MYO5B: variants seen among roughly 807,000 people sequenced by gnomAD.
The protein encoded by MYO5B is unconventional myosin-Vb.
In MYO5B, 143 loss-of-function variants were observed where a neutral mutation model predicts 229.3. The observed-to-expected ratio is 0.62, with a 90% CI of 0.54 to 0.72. The LOEUF (loss-of-function observed/expected upper bound fraction) is 0.72, where lower values mean the gene tolerates loss of function less well. Among genes scored for constraint, MYO5B ranks in the 30% least tolerant of loss-of-function variants. The probability of loss-of-function intolerance (pLI) is 0.00; values close to 1 mark genes in which losing one functional copy is unlikely to be tolerated. For synonymous variants in MYO5B, 918 were observed against 885.2 expected (o/e 1.04, Z -0.66); for missense variants, 2,321 against 2,331.0 (o/e 1.00, Z 0.09).
intron 32 of MYO5B, 39 bp from the exon 33 acceptor site, chr18:49,847,328 C>A (rs958565764): frequency 1.2e-6 from 2 of 1,605,328 alleles, no homozygotes; most frequent in South Asian, 2.2e-5. Flanking sequence ...GATGAGACTT[C>A]CAGCTGCAGG....
intron 1 of MYO5B, among the ~76,000 whole-genome samples, chr18:50,115,349 C>T (rs927107393): frequency 1.3e-5 from 2 of 152,210 alleles, no homozygotes; most frequent in African/African-American, 2.4e-5. Flanking sequence ...CTATGGAATT[C>T]AATCTTACGG....
intron 14 of MYO5B, among the ~76,000 whole-genome samples, chr18:49,952,649 C>T (rs190796297): frequency 8.5e-5 from 13 of 152,222 alleles, no homozygotes; most frequent in African/African-American, 2.9e-4. Context: ...TGCCTTCTTT[C>T]CTCTACCTGT....
chr18:49,901,964 A>G (rs1029998905), intron 21 of MYO5B, among the ~76,000 whole-genome samples: 1 of 152,224 alleles, frequency 6.6e-6, no homozygotes, highest in African/African-American at 2.4e-5. Flanking sequence ...CAAGCCCTCC[A>G]TGCACACCAG....
At chr18:49,989,550 A>G (rs2144308302) in intron 7 of MYO5B, among the ~76,000 whole-genome samples, 1 of 152,156 alleles carries the variant, frequency 6.6e-6, no homozygotes, top group East Asian at 1.9e-4. Context: ...CTTTACACAT[A>G]TGTGCCTGAA....
At chr18:50,031,127 C>T (rs1598965989) in intron 4 of MYO5B, among the ~76,000 whole-genome samples, 1 of 152,070 alleles carries the variant, frequency 6.6e-6, no homozygotes, top group Admixed American at 6.6e-5. Flanking sequence ...GGCGGTAGGG[C>T]TTCTTTGCTA....
At chr18:50,178,518 A>T (rs1275493807) in intron 1 of MYO5B, among the ~76,000 whole-genome samples, 1 of 152,228 alleles carries the variant, frequency 6.6e-6, no homozygotes, top group African/African-American at 2.4e-5. Flanking sequence ...CTAGCAAAAC[A>T]CAAAAAGCAT....
intron 4 of MYO5B, among the ~76,000 whole-genome samples, chr18:50,002,680 G>A (rs144231838): frequency 2.0e-5 from 3 of 152,356 alleles, no homozygotes; most frequent in Non-Finnish European, 2.9e-5. Context: ...ACTGTCAAGA[G>A]GGCAGGCACT....
intron 32 of MYO5B, 135 bp downstream of exon 32, chr18:49,849,432 G>A (rs569650056): frequency 5.1e-5 from 40 of 783,480 alleles, no homozygotes; most frequent in African/African-American, 3.6e-4. Context: ...TCTATCGCCT[G>A]GCTGGACTGG....
intron 17 of MYO5B, among the ~76,000 whole-genome samples, chr18:49,915,396 C>T (rs906063074): frequency 2.0e-5 from 3 of 152,202 alleles, no homozygotes; most frequent in African/African-American, 2.4e-5. Flanking sequence ...CACAAGGGAA[C>T]AAGAGCCCGT....
intron 1 of MYO5B, among the ~76,000 whole-genome samples, chr18:50,107,276 G>A (rs1055030305): frequency 1.3e-5 from 2 of 151,742 alleles, no homozygotes; most frequent in Admixed American, 6.6e-5. Flanking sequence ...ACAGGCATGC[G>A]TCACCATGCC....
In MYO5B at chr18:49,878,966, C is replaced by A. The variant is rs1436723310; in HGVS notation, c.3255G>T (p.Arg1085=). The A allele has an allele frequency of 1.9e-6, 3 of 1,614,052 alleles. No individual in the cohort carries two copies. The African/African-American group carries it at 4.0e-5, about 22-fold the overall frequency. ...SQLEQRYDNL[R]DEMTIIKQTP... ...TTGCCTTTATGATGGTCATTTCATC[C>A]CGAAGGTTGTCGTATCTCTGCTCCA... The change falls in exon 24 of 40, where the codon CGG becomes CGT. Residue 1085 remains arginine, a synonymous_variant. Transcript: ENST00000285039.
intron 1 of MYO5B, among the ~76,000 whole-genome samples, chr18:50,168,131 A>G (rs920587790): frequency 1.7e-4 from 26 of 152,330 alleles, no homozygotes; most frequent in Admixed American, 1.6e-3. Context: ...ATTAAAATAT[A>G]ACCCCTAAGG....
Position 49,954,615 on chromosome 18 carries a change from G to A in MYO5B, c.1546-180C>T, listed in dbSNP as rs9675910. On this transcript the variant is annotated intron_variant, in intron 12 of 39. Coordinates refer to ENST00000285039, the MANE Select transcript of MYO5B (RefSeq NM_001080467.3). ...CCATACATGTTCAGGATCCGGCCAC[G>A]GCGTGCCCTCATCCCATGTGGGCTG... Among the ~76,000 whole-genome samples the A allele has an allele frequency of 0.094, 14,244 of 152,172 alleles. 781 individuals are homozygous for A. The highest frequency in any genetic ancestry group is 0.2 in the Middle Eastern group (60 of 294).
At chr18:50,006,029 C>T (rs1332683625) in intron 4 of MYO5B, among the ~76,000 whole-genome samples, 6 of 152,190 alleles carry the variant, frequency 3.9e-5, no homozygotes, top group East Asian at 3.9e-4. Flanking sequence ...ATTTCACCTG[C>T]CGTGTGACTT....
chr18:50,000,669 CT>C (rs1470160316), intron 5 of MYO5B, among the ~76,000 whole-genome samples: 3 of 152,198 alleles, frequency 2.0e-5, no homozygotes, highest in Non-Finnish European at 1.5e-5. Context: ...AGTCCAGCCC[CT>C]ATCATGAAGG....
intron 4 of MYO5B, among the ~76,000 whole-genome samples, chr18:50,021,836 G>C (rs2026278804): frequency 6.7e-6 from 1 of 149,178 alleles, no homozygotes; most frequent in South Asian, 2.1e-4. Flanking sequence ...TCCTCCTTCT[G>C]TACCAGATCT....
intron 22 of MYO5B, among the ~76,000 whole-genome samples, chr18:49,889,592 C>T (rs910247693): frequency 6.6e-6 from 1 of 152,150 alleles, no homozygotes; most frequent in Non-Finnish European, 1.5e-5. Context: ...AACTTTGCTT[C>T]TCCTTAACAT....
At chr18:50,179,372 A>G (rs58641767) in intron 1 of MYO5B, among the ~76,000 whole-genome samples, 7,455 of 152,236 alleles carry the variant, frequency 0.049, 205 homozygotes, top group South Asian at 0.089. Flanking sequence ...TGATGGAAAC[A>G]TGGTTCCCAG....
At chr18:50,081,178 AG>A (rs2031211401) in intron 1 of MYO5B, among the ~76,000 whole-genome samples, 1 of 152,078 alleles carries the variant, frequency 6.6e-6, no homozygotes. Context: ...GCCTGGATTT[AG>A]GTCAACCTCT....
Sources: allele counts gnomAD v4.1 joint callset (sites outside exome capture counted in the v4.1 genomes callset), GRCh38; gene constraint gnomAD v4.1.1; transcripts MANE v1.5; gene names NCBI Gene and HGNC (gene_info 2026-07-23, HGNC 2026-07-21).